EDIL3: variants seen among roughly 807,000 people sequenced by gnomAD.
EDIL3 encodes EGF like and discoidin domains 3.
A neutral mutation model predicts 67.4 loss-of-function variants in EDIL3; 37 were observed. The observed-to-expected ratio is 0.55, with a 90% CI of 0.42 to 0.72. EDIL3 has a LOEUF of 0.72. EDIL3 is among the 30% of genes least tolerant of loss of function. The probability of loss-of-function intolerance (pLI) is 0.00; values close to 1 mark genes in which losing one functional copy is unlikely to be tolerated. For missense variants in EDIL3, 527 were observed against 586.3 expected, an observed-to-expected ratio of 0.90 and a Z score of 1.04; for synonymous variants, 195 against 196.3, an observed-to-expected ratio of 0.99 and a Z score of 0.05.
chr5:84,040,895 G>A (rs559716407), intron 9 of EDIL3, among the ~76,000 whole-genome samples: 1 of 152,274 alleles, frequency 6.6e-6, no homozygotes, highest in East Asian at 1.9e-4. Context: ...ACTTTGGGAG[G>A]CCAAGGCCGA....
intron 4 of EDIL3, among the ~76,000 whole-genome samples, chr5:84,154,557 T>G (rs1457503376): frequency 6.7e-6 from 1 of 148,870 alleles, no homozygotes; most frequent in Non-Finnish European, 1.5e-5. Context: ...ATATTTATAG[T>G]TTTTTTTTCT....
At chr5:83,954,837 GT>G (rs1339280912) in intron 10 of EDIL3, among the ~76,000 whole-genome samples, 5 of 151,828 alleles carry the variant, frequency 3.3e-5, no homozygotes, top group Admixed American at 2.0e-4. Flanking sequence ...TAGCATCGTA[GT>G]TTTTTCTATT....
chr5:84,308,257 A>G (rs562258434), intron 1 of EDIL3, among the ~76,000 whole-genome samples: 1 of 152,300 alleles, frequency 6.6e-6, no homozygotes, highest in East Asian at 1.9e-4. Context: ...TTGGGCATAA[A>G]GAGGAAAGAT....
chr5:84,319,277 G>A lies in EDIL3; in HGVS notation c.67+65031C>T, dbSNP rs1423916745. On this transcript the variant is annotated intron_variant, in intron 1 of 10. Coordinates refer to ENST00000296591, the MANE Select transcript of EDIL3 (RefSeq NM_005711.5). ...CACGAGGTCAGGAGATCGAGACCAC[G>A]GTGAAACCCCGTCTCTACTAAAAAT... 6.4e-5 allele frequency among the ~76,000 whole-genome samples: 5 copies of A among 78,324 alleles called. 1 individual carries two copies. Among genetic ancestry groups the A allele is most frequent in the Admixed American group, 5.9e-4 (5 of 8,456 alleles). 51.4% of individuals were successfully genotyped at this position (78,324 alleles called of 152,430 possible).
At chr5:83,993,992 C>A (rs1434235624) in intron 9 of EDIL3, among the ~76,000 whole-genome samples, 3 of 152,178 alleles carry the variant, frequency 2.0e-5, no homozygotes, top group Non-Finnish European at 4.4e-5. Flanking sequence ...TTTTTGGCCA[C>A]TGTGGTCCCT....
At chr5:84,365,815 T>C (rs757245091) in intron 1 of EDIL3, among the ~76,000 whole-genome samples, 10 of 152,152 alleles carry the variant, frequency 6.6e-5, no homozygotes, top group Admixed American at 2.6e-4. Context: ...AAAATAATAA[T>C]ACCAGATGTT....
chr5:84,057,399 G>C (rs75903748), intron 9 of EDIL3, among the ~76,000 whole-genome samples: 1 of 73,960 alleles, frequency 1.4e-5, no homozygotes, highest in African/African-American at 5.5e-5. Flanking sequence ...TACTTATGGG[G>C]TGTAAAATAG....
intron 9 of EDIL3, among the ~76,000 whole-genome samples, chr5:84,058,979 T>C (rs1438271064): frequency 6.6e-6 from 1 of 152,172 alleles, no homozygotes; most frequent in Non-Finnish European, 1.5e-5. Context: ...TTATTACCTA[T>C]AGCATGTGCT....
intron 1 of EDIL3, among the ~76,000 whole-genome samples, chr5:84,287,978 T>A (rs2112114779): frequency 6.6e-6 from 1 of 152,242 alleles, no homozygotes; most frequent in Middle Eastern, 3.4e-3. Context: ...ATCCACAGAC[T>A]GAAGACTCTA....
At chr5:84,350,528 TAGGC>T (rs1472650581) in intron 1 of EDIL3, among the ~76,000 whole-genome samples, 1 of 152,066 alleles carries the variant, frequency 6.6e-6, no homozygotes, top group Non-Finnish European at 1.5e-5. Flanking sequence ...AGTTCAACCA[TAGGC>T]CAATCATTTA....
At chr5:84,058,564 A>T (rs1022490417) in intron 9 of EDIL3, among the ~76,000 whole-genome samples, 3 of 152,178 alleles carry the variant, frequency 2.0e-5, no homozygotes, top group African/African-American at 7.2e-5. Context: ...TGAAATTACC[A>T]ATACTTGCTA....
chr5:84,376,038 T>C (rs1747958727), intron 1 of EDIL3, among the ~76,000 whole-genome samples: 1 of 152,206 alleles, frequency 6.6e-6, no homozygotes, highest in South Asian at 2.1e-4. Flanking sequence ...ACAAGATGTG[T>C]CACTCACTGA....
intron 3 of EDIL3, among the ~76,000 whole-genome samples, chr5:84,208,402 A>G (rs1097338): frequency 0.69 from 104,861 of 151,746 alleles, 36,485 homozygotes; most frequent in East Asian, 0.74. Flanking sequence ...GAAACAGGCC[A>G]GGCGCGGTGG....
intron 6 of EDIL3, among the ~76,000 whole-genome samples, chr5:84,070,228 C>T (rs1486629312): frequency 2.0e-5 from 3 of 152,188 alleles, no homozygotes; most frequent in African/African-American, 7.2e-5. Flanking sequence ...AGGCAAGAAC[C>T]CCGGGATAGA....
chr5:84,154,566 C>G (rs757392939), intron 4 of EDIL3, among the ~76,000 whole-genome samples: 2 of 150,034 alleles, frequency 1.3e-5, no homozygotes, highest in Non-Finnish European at 3.0e-5. Context: ...GTTTTTTTTT[C>G]TGGAATATTT....
intron 5 of EDIL3, among the ~76,000 whole-genome samples, chr5:84,108,139 T>C (rs1452387977): frequency 2.6e-5 from 4 of 151,836 alleles, no homozygotes; most frequent in South Asian, 2.1e-4. Flanking sequence ...TACACTTAGA[T>C]TGAGGTTGAA....
chr5:84,223,636 G>A (rs1374981192), intron 3 of EDIL3, among the ~76,000 whole-genome samples: 1 of 151,528 alleles, frequency 6.6e-6, no homozygotes, highest in African/African-American at 2.4e-5. Context: ...AGGAATGGGG[G>A]AAATATAAGT....
intron 4 of EDIL3, among the ~76,000 whole-genome samples, chr5:84,137,574 G>A (rs1258682468): frequency 2.6e-5 from 4 of 152,130 alleles, no homozygotes; most frequent in Admixed American, 6.5e-5. Flanking sequence ...GAATACAGAC[G>A]AAAGGCCAAT....
intron 4 of EDIL3, among the ~76,000 whole-genome samples, chr5:84,166,634 A>G (rs1378186992): frequency 1.3e-5 from 2 of 152,192 alleles, no homozygotes; most frequent in Admixed American, 6.6e-5. Context: ...AAACATAAAT[A>G]TAAAATGTGG....
Sources: allele counts gnomAD v4.1 joint callset (sites outside exome capture counted in the v4.1 genomes callset), GRCh38; gene constraint gnomAD v4.1.1; transcripts MANE v1.5; gene names NCBI Gene and HGNC (gene_info 2026-07-23, HGNC 2026-07-21).